DLG2: variants seen among roughly 807,000 people sequenced by gnomAD.
DLG2 encodes discs large MAGUK scaffold protein 2.
DLG2 carries 45 observed loss-of-function variants against 132.5 expected under a neutral mutation model. That is an observed-to-expected ratio of 0.34 (90% CI 0.27 to 0.44). The LOEUF is 0.44. Ranked by LOEUF, DLG2 falls within the 20% of genes least tolerant of loss-of-function variation. The pLI is 1.00. For synonymous variants in DLG2, 424 were observed against 419.6 expected (o/e 1.01, Z -0.13); for missense variants, 1,045 against 1,196.9 (o/e 0.87, Z 1.87).
intron 6 of DLG2, among the ~76,000 whole-genome samples, chr11:84,596,589 G>A (rs117011579): frequency 0.016 from 2,371 of 151,936 alleles, 25 homozygotes; most frequent in Non-Finnish European, 0.025. Context: ...AGGTAATGAA[G>A]GCATTTCTAA....
At chr11:84,924,480 C>T (rs1202639687) in intron 6 of DLG2, among the ~76,000 whole-genome samples, 2 of 152,192 alleles carry the variant, frequency 1.3e-5, no homozygotes, top group East Asian at 1.9e-4. Context: ...CCCTCTGGAG[C>T]CTGCAGAAGT....
intron 7 of DLG2, among the ~76,000 whole-genome samples, chr11:84,373,259 AAAAAAC>A (rs1488589776): frequency 8.0e-5 from 8 of 99,930 alleles, no homozygotes; most frequent in African/African-American, 2.8e-4. Context: ...CAAAAAAAAA[AAAAAAC>A]AAAACAAAAA....
intron 7 of DLG2, among the ~76,000 whole-genome samples, chr11:84,366,843 A>G (rs2098686051): frequency 6.6e-6 from 1 of 152,066 alleles, no homozygotes; most frequent in African/African-American, 2.4e-5. Flanking sequence ...AGAGACTTAG[A>G]CTCCCACACA....
chr11:84,794,128 G>A (rs2074242110), intron 6 of DLG2, among the ~76,000 whole-genome samples: 1 of 152,114 alleles, frequency 6.6e-6, no homozygotes, highest in South Asian at 2.1e-4. Flanking sequence ...CCATTCGTAT[G>A]ATAATTTATC....
At chr11:84,938,694 G>A (rs2049032000) in intron 6 of DLG2, among the ~76,000 whole-genome samples, 2 of 152,072 alleles carry the variant, frequency 1.3e-5, no homozygotes, top group African/African-American at 4.8e-5. Flanking sequence ...ATCCACAGCT[G>A]GCCACATCTG....
At chr11:84,334,400 A>G (rs886181347) in intron 7 of DLG2, among the ~76,000 whole-genome samples, 9 of 152,166 alleles carry the variant, frequency 5.9e-5, no homozygotes, top group Non-Finnish European at 8.8e-5. Flanking sequence ...TGCCATCCTT[A>G]CCCACTAGCA....
At chr11:85,028,803 T>G (rs2060765200) in intron 6 of DLG2, among the ~76,000 whole-genome samples, 1 of 152,094 alleles carries the variant, frequency 6.6e-6, no homozygotes, top group Non-Finnish European at 1.5e-5. Context: ...GCTGGGTGGC[T>G]GCACAGTTGC....
intron 7 of DLG2, among the ~76,000 whole-genome samples, chr11:84,271,028 T>A (rs140994084): frequency 6.6e-6 from 1 of 152,246 alleles, no homozygotes; most frequent in African/African-American, 2.4e-5. Flanking sequence ...ATACATATCA[T>A]TGGGTTAAAA....
At chr11:84,839,511 A>G (rs1171266153) in intron 6 of DLG2, among the ~76,000 whole-genome samples, 4 of 152,164 alleles carry the variant, frequency 2.6e-5, no homozygotes, top group Non-Finnish European at 4.4e-5. Flanking sequence ...TTCATATGGA[A>G]CCAAAAAAGA....
chr11:84,499,073 G>A lies in DLG2; in HGVS notation c.519+35497C>T, dbSNP rs113307384. On this transcript the variant is annotated intron_variant, in intron 7 of 27. Coordinates refer to ENST00000376104, the MANE Select transcript of DLG2 (RefSeq NM_001142699.3). The stretch of plus-strand genomic sequence containing the variant: ...TCTTAGTAACTTGTTTAAACATAAA[G>A]GATGTTCTTTTGCAATAATTTTAAC... Among the ~76,000 whole-genome samples the A allele has an allele frequency of 1.4e-3, 214 of 152,218 alleles. 1 individual carries two copies. The highest frequency in any genetic ancestry group is 4.9e-3 in the African/African-American group (205 of 41,546).
chr11:83,573,496 A>C (rs1241500901), intron 19 of DLG2, among the ~76,000 whole-genome samples: 1 of 152,186 alleles, frequency 6.6e-6, no homozygotes, highest in Non-Finnish European at 1.5e-5. Context: ...CTGATGAATA[A>C]TGCAACCTTA....
intron 6 of DLG2, among the ~76,000 whole-genome samples, chr11:84,775,058 A>G (rs2070193797): frequency 6.6e-6 from 1 of 152,178 alleles, no homozygotes; most frequent in Non-Finnish European, 1.5e-5. Context: ...AATATCCAGA[A>G]TCTATAAGAA....
At chr11:84,344,814 C>T (rs2098531925) in intron 7 of DLG2, among the ~76,000 whole-genome samples, 1 of 152,134 alleles carries the variant, frequency 6.6e-6, no homozygotes, top group Non-Finnish European at 1.5e-5. Context: ...GAACCCTCAT[C>T]AGAAAGGCAA....
At chr11:84,267,705 C>G (rs1168775865) in intron 7 of DLG2, among the ~76,000 whole-genome samples, 1 of 152,230 alleles carries the variant, frequency 6.6e-6, no homozygotes, top group African/African-American at 2.4e-5. Context: ...CCTCATTTCT[C>G]TGTGTCTTTC....
intron 18 of DLG2, among the ~76,000 whole-genome samples, chr11:83,740,966 T>G (rs1306085009): frequency 6.6e-6 from 1 of 152,160 alleles, no homozygotes; most frequent in African/African-American, 2.4e-5. Flanking sequence ...CGTGATCAAG[T>G]AGGCATTTTC....
At chr11:84,740,494 A>G (rs1035335880) in intron 6 of DLG2, among the ~76,000 whole-genome samples, 1 of 151,182 alleles carries the variant, frequency 6.6e-6, no homozygotes, top group African/African-American at 2.4e-5. Flanking sequence ...GCTAAGCCCT[A>G]CCCAGCCACT....
At chr11:83,540,942 G>T (rs1223131855) in intron 20 of DLG2, among the ~76,000 whole-genome samples, 2 of 152,132 alleles carry the variant, frequency 1.3e-5, no homozygotes, top group African/African-American at 2.4e-5. Flanking sequence ...TCTGGTGATG[G>T]ATCTGCTGGG....
chr11:85,199,605 A>G (rs948147496), intron 4 of DLG2, among the ~76,000 whole-genome samples: 3 of 152,234 alleles, frequency 2.0e-5, no homozygotes, highest in Admixed American at 6.5e-5. Context: ...TAATAGATCT[A>G]TATTTTACCA....
At chr11:84,629,395 A>G (rs1565498326) in intron 6 of DLG2, among the ~76,000 whole-genome samples, 1 of 152,156 alleles carries the variant, frequency 6.6e-6, no homozygotes, top group Non-Finnish European at 1.5e-5. Context: ...TGCTTTAGAG[A>G]GTAGCTGTGG....
Sources: gnomAD v4.1 joint callset for allele counts (sites outside exome capture counted in the v4.1 genomes callset) on GRCh38, gnomAD v4.1.1 for gene constraint, MANE v1.5 for transcripts, NCBI Gene and HGNC (gene_info 2026-07-23, HGNC 2026-07-21) for gene names.